The following DGKD variants were observed in gnomAD, a reference collection of about 807,000 sequenced individuals.
The protein encoded by DGKD is diacylglycerol kinase delta.
In DGKD, 68 loss-of-function variants were observed where a neutral mutation model predicts 154.4. The observed-to-expected ratio is 0.44, with a 90% CI of 0.36 to 0.54. DGKD has a LOEUF of 0.54. Ranked by LOEUF, DGKD falls within the 20% of genes least tolerant of loss-of-function variation. The probability of loss-of-function intolerance (pLI) is 0.00; values close to 1 mark genes in which losing one functional copy is unlikely to be tolerated. For synonymous variants in DGKD, 693 were observed against 638.0 expected, an observed-to-expected ratio of 1.09 and a Z score of -1.30; for missense variants, 1,343 against 1,593.6, an observed-to-expected ratio of 0.84 and a Z score of 2.68.
intron 1 of DGKD, among the ~76,000 whole-genome samples, chr2:233,374,882 T>C (rs1289630004): frequency 2.0e-5 from 3 of 152,098 alleles, no homozygotes; most frequent in Admixed American, 6.5e-5. Flanking sequence ...TTGCCCAGGC[T>C]GGTCTTGAAT....
At chr2:233,356,752 T>A (rs1362083632) in intron 1 of DGKD, among the ~76,000 whole-genome samples, 1 of 152,174 alleles carries the variant, frequency 6.6e-6, no homozygotes, top group Admixed American at 6.5e-5. Context: ...TAAGGCTGAT[T>A]TTTCTTCTGA....
chr2:233,465,125 G>A (rs533945564), intron 27 of DGKD, among the ~76,000 whole-genome samples: 2 of 152,154 alleles, frequency 1.3e-5, no homozygotes, highest in Non-Finnish European at 2.9e-5. Flanking sequence ...TCCAGCCGAT[G>A]GATGAAACTC....
rs1701454455 is a variant in DGKD, at chr2:233,354,689, C to G, written c.156+15C>G. 3.0e-6 allele frequency: 3 copies of G among 988,848 alleles called. No homozygotes were observed. The allele number at this position is 988,848 out of a possible 1,614,324, so 61.3% of individuals were successfully genotyped here. A position where few individuals can be genotyped will look rare whatever the true frequency, so the allele number is the denominator to read the frequency against. On this transcript the variant is annotated intron_variant, in intron 1 of 29. Transcript: ENST00000264057. This position sits in a 1 kb window ranked among gnomAD's most constrained non-coding sequence, Gnocchi z 4.8. The stretch of plus-strand genomic sequence containing the variant: ...TCCGACAGAAGGTGAGCCCGCGGCG[C>G]GGCGGCCCGGGCGCGCGCCCCTCAC...
rs1459194136 is a variant in DGKD, at chr2:233,471,849, T to C, written c.*2389T>C. 1 of 152,518 alleles carries C rather than the reference T, an allele frequency of 6.6e-6. No homozygotes were observed. Among genetic ancestry groups the C allele is most frequent in the African/African-American group, 2.4e-5 (1 of 41,578 alleles). The allele number at this position is 152,518 out of a possible 1,614,324, so 9.4% of individuals were successfully genotyped here. ...CTCTGCTGCCCCGGCCCAGGTCCCC[T>C]TGTGGTGTTGCCAGACGGGCCTCAT... On this transcript the variant is annotated 3_prime_UTR_variant, in exon 30 of 30. Coordinates refer to ENST00000264057, the MANE Select transcript of DGKD (RefSeq NM_152879.3).
chr2:233,370,567 CTTCTTTT>C (rs1437689452), intron 1 of DGKD, among the ~76,000 whole-genome samples: 171 of 114,380 alleles, frequency 1.5e-3, no homozygotes, highest in African/African-American at 5.7e-3. Flanking sequence ...TTCAGAACTT[CTTCTTTT>C]TTTTTTTTTT....
intron 1 of DGKD, chr2:233,386,110 C>T: frequency 2.7e-6 from 1 of 375,432 alleles, no homozygotes; most frequent in Non-Finnish European, 5.5e-6. Flanking sequence ...AGCATCTGTC[C>T]TTTAAAGATA....
chr2:233,367,472 G>C (rs1458053707), intron 1 of DGKD, among the ~76,000 whole-genome samples: 1 of 151,872 alleles, frequency 6.6e-6, no homozygotes, highest in Admixed American at 6.6e-5. Flanking sequence ...CAAGTGATCC[G>C]CCCACCTCGG....
chr2:233,373,751 G>A (rs1400891789), intron 1 of DGKD, among the ~76,000 whole-genome samples: 1 of 152,186 alleles, frequency 6.6e-6, no homozygotes, highest in African/African-American at 2.4e-5. Flanking sequence ...ACTTACCTAA[G>A]AAGTGAGCTC....
intron 3 of DGKD, among the ~76,000 whole-genome samples, chr2:233,416,845 C>T (rs552010330): frequency 2.5e-4 from 38 of 152,228 alleles, no homozygotes; most frequent in African/African-American, 8.4e-4. Context: ...GTTTCTCTAG[C>T]GAGAAGTCCA....
chr2:233,414,086 G>A (rs1296259200), intron 3 of DGKD, among the ~76,000 whole-genome samples: 2 of 152,128 alleles, frequency 1.3e-5, no homozygotes, highest in African/African-American at 4.8e-5. Context: ...TCCCTGACTG[G>A]GAATGTGGTC....
rs763138325 is a variant in DGKD at position 233,460,178 on chromosome 2, G to A, written c.2830-16G>A. The A allele has an allele frequency of 6.2e-7, 1 of 1,613,124 alleles. No homozygotes were observed. The highest frequency in any genetic ancestry group is 1.7e-5 in the Admixed American group (1 of 59,938). On this transcript the variant is annotated splice_polypyrimidine_tract_variant and intron_variant, in intron 23 of 29. Transcript: ENST00000264057. ...GCTTCAGAGCAGCAGGTGTAATTGG[G>A]CTTTCGGGTCCATAGGCATTTGAGA...
intron 18 of DGKD, chr2:233,454,419 A>G (rs763694123): frequency 4.2e-6 from 2 of 476,476 alleles, no homozygotes; most frequent in South Asian, 3.1e-5. Flanking sequence ...TGCCTAGAAG[A>G]GGCGCCTCCG....
intron 3 of DGKD, among the ~76,000 whole-genome samples, chr2:233,409,785 CCGT>C (rs1343497834): frequency 7.2e-6 from 1 of 138,156 alleles, no homozygotes; most frequent in Non-Finnish European, 1.5e-5. Context: ...TCCCCCCATA[CCGT>C]TTTTTTTTTT....
intron 3 of DGKD, among the ~76,000 whole-genome samples, chr2:233,412,026 G>C (rs1232073197): frequency 6.6e-6 from 1 of 152,054 alleles, no homozygotes; most frequent in Middle Eastern, 3.2e-3. Flanking sequence ...GATTACTGTA[G>C]TTTTATAGGA....
intron 3 of DGKD, among the ~76,000 whole-genome samples, chr2:233,394,029 TATG>T (rs1289924961): frequency 6.6e-6 from 1 of 152,198 alleles, no homozygotes; most frequent in Non-Finnish European, 1.5e-5. Flanking sequence ...CAAGTCCTCT[TATG>T]ATCTTGTTTT....
At chr2:233,453,425 C>T (rs182572844) in intron 18 of DGKD, among the ~76,000 whole-genome samples, 1 of 152,314 alleles carries the variant, frequency 6.6e-6, no homozygotes, top group East Asian at 1.9e-4. Flanking sequence ...ACATGCTGGC[C>T]AGGCACTTGG....
intron 3 of DGKD, among the ~76,000 whole-genome samples, chr2:233,403,181 A>G (rs1051414599): frequency 6.6e-6 from 1 of 152,228 alleles, no homozygotes; most frequent in Non-Finnish European, 1.5e-5. Context: ...CTTTCCAGGT[A>G]CAAGTCCTCC....
intron 1 of DGKD, among the ~76,000 whole-genome samples, chr2:233,367,267 C>T (rs1702074834): frequency 6.6e-6 from 1 of 150,968 alleles, no homozygotes; most frequent in Admixed American, 6.6e-5. Flanking sequence ...CTCACTCTGT[C>T]GCCCAGACTG....
chr2:233,427,337 CTT>C (rs35153949), intron 3 of DGKD, among the ~76,000 whole-genome samples: 145 of 83,742 alleles, frequency 1.7e-3, no homozygotes, highest in Middle Eastern at 6.0e-3. Flanking sequence ...TATTGCCCTG[CTT>C]TTTTTTTTTT....
Sources: allele counts gnomAD v4.1 joint callset (sites outside exome capture counted in the v4.1 genomes callset), GRCh38; gene constraint gnomAD v4.1.1; non-coding constraint Gnocchi (gnomAD v3.1); transcripts MANE v1.5; gene names NCBI Gene and HGNC (gene_info 2026-07-23, HGNC 2026-07-21).